Variants in AOX1 observed in about 807,000 individuals in gnomAD.
AOX1 encodes the protein aldehyde oxidase 1, also known as aldehyde oxidase.
Under a neutral mutation model 169.5 loss-of-function variants are expected in AOX1, and 153 were observed. The observed-to-expected ratio is 0.90, with a 90% confidence interval of 0.79 to 1.03. AOX1 has a LOEUF of 1.03. Ranked by LOEUF, AOX1 falls within the 50% of genes least tolerant of loss-of-function variation. The pLI is 0.00. For missense variants in AOX1, 1,656 were observed against 1,663.9 expected, an observed-to-expected ratio of 1.00 and a Z score of 0.08; for synonymous variants, 562 against 581.9, an observed-to-expected ratio of 0.97 and a Z score of 0.49.
At chr2:200,666,787 T>C in intron 32 of AOX1, 35 bp downstream of exon 32, 3 of 1,557,814 alleles carry the variant, frequency 1.9e-6, no homozygotes, top group Non-Finnish European at 2.6e-6. Flanking sequence ...TTTCTATTTG[T>C]AAAAGCCAAA....
Position 200,604,000 on chromosome 2 carries a change from A to T in AOX1, c.589-17A>T, listed in dbSNP as rs1230923564. The T allele has an allele frequency of 6.4e-7, 1 of 1,555,552 alleles. No individual in the cohort carries two copies. The highest frequency in any genetic ancestry group is 1.4e-5 in the African/African-American group (1 of 73,624). ...AGTTGCTCGATAACAGTAATTTCTG[A>T]TATGTTCTCTTTTTAGACAAGTCCA... On this transcript the variant is annotated splice_polypyrimidine_tract_variant and intron_variant, in intron 7 of 34. Transcript: ENST00000374700.
At position 200,611,469 on chromosome 2, in the gene AOX1, A is replaced by T. The variant is rs145418309; in HGVS notation, c.1239A>T (p.Ser413=). The T allele has an allele frequency of 2.2e-4, 354 of 1,612,826 alleles. 2 individuals carry two copies. Among genetic ancestry groups the T allele is most frequent in the Non-Finnish European group, 2.4e-4 (283 of 1,178,846 alleles). ...ADLKPQEILV[S]VNIPYSRKWE... ...TTAAGCCTCAAGAAATCTTGGTCTC[A>T]GTGAACATCCCCTACTCAAGGAAGG... The change falls in exon 13 of 35, where the codon TCA becomes TCT. Residue 413 remains serine, a synonymous_variant. Coordinates refer to ENST00000374700, the MANE Select transcript of AOX1 (RefSeq NM_001159.4).
chr2:200,628,629 A>G (rs1402612252), intron 20 of AOX1, among the ~76,000 whole-genome samples: 2 of 152,154 alleles, frequency 1.3e-5, no homozygotes, highest in African/African-American at 4.8e-5. Flanking sequence ...AGTGCATGTT[A>G]AAAACTCCCA....
chr2:200,620,013 A>G (rs1188059326), intron 16 of AOX1, among the ~76,000 whole-genome samples: 2 of 152,226 alleles, frequency 1.3e-5, no homozygotes, highest in African/African-American at 4.8e-5. Context: ...GCAAGAGGAC[A>G]TAATTTTGTA....
Position 200,651,095 on chromosome 2 carries a change from A to C in AOX1, c.2969A>C (p.Lys990Thr), listed in dbSNP as rs2035572168. Residue 990 changes from lysine to threonine, a missense_variant, in exon 26 of 35, where the codon AAA (lysine) becomes ACA (threonine). Transcript: ENST00000374700. The stretch of plus-strand genomic sequence containing the variant: ...GCCATGTCTTCCTACTCCTTGAGGA[A>C]AGTTGCTGTGGAAAAGTTCAATGCA... ...CMAMSSYSLR[K>T]VAVEKFNAEN... 6.2e-7 allele frequency: 1 copy of C among 1,614,162 alleles called. No individual in the cohort carries two copies. The highest frequency in any genetic ancestry group is 2.2e-5 in the East Asian group (1 of 44,886).
intron 25 of AOX1, among the ~76,000 whole-genome samples, chr2:200,649,748 C>G (rs2035542375): frequency 6.6e-6 from 1 of 152,102 alleles, no homozygotes; most frequent in Admixed American, 6.5e-5. Context: ...GGGGTGAGCT[C>G]TCTCTCAGCC....
intron 29 of AOX1, 35 bp downstream of exon 29, chr2:200,660,104 A>G: frequency 6.4e-7 from 1 of 1,562,782 alleles, no homozygotes; most frequent in Non-Finnish European, 8.8e-7. Flanking sequence ...TTTATTTTAG[A>G]AGAAAAAGGA....
intron 23 of AOX1, among the ~76,000 whole-genome samples, chr2:200,639,476 A>G (rs1416089011): frequency 2.0e-5 from 3 of 152,244 alleles, no homozygotes; most frequent in Non-Finnish European, 4.4e-5. Flanking sequence ...CACTGTCTCC[A>G]TCGCAAAACT....
At position 200,603,268 on chromosome 2, in the gene AOX1, C is replaced by T; in HGVS notation, c.500C>T (p.Thr167Ile). 1 of 1,613,552 alleles carries T rather than the reference C, an allele frequency of 6.2e-7. No individual in the cohort carries two copies. Among genetic ancestry groups the T allele is most frequent in the South Asian group, 1.1e-5 (1 of 91,056 alleles). Residue 167 changes from threonine (T) to isoleucine (I), a missense_variant and splice_region_variant, in exon 7 of 35, where the codon ACT becomes ATT. By Grantham distance (89) the Thr-to-Ile change is moderately conservative (BLOSUM62 -1). Transcript: ENST00000374700. ...IIDACKTFCKTSGCCQSKENG... is the reference protein window; with the variant it reads ...IIDACKTFCKISGCCQSKENG... ...AGTGATTTGTTTTTTGTCCACTAGA[C>T]TTCGGGCTGCTGTCAAAGTAAAGAA...
Position 200,642,671 on chromosome 2 carries a change from G to A in AOX1, c.2717G>A (p.Arg906Gln), listed in dbSNP as rs139407288. ...TACAAGTTTCCCAATCTCCGCTGCC[G>A]GGGTTGGGCATGCAGAACCAACCTT... Reference protein sequence around the residue: ...NAYKFPNLRCRGWACRTNLPS... With the variant: ...NAYKFPNLRCQGWACRTNLPS... Residue 906 changes from arginine to glutamine, a missense_variant, in exon 25 of 35, where the codon CGG becomes CAG. Arg to Gln is a conservative substitution (Grantham distance 43, BLOSUM62 1). Transcript: ENST00000374700. 1.4e-5 allele frequency: 22 copies of A among 1,613,982 alleles called. No homozygotes were observed. Among genetic ancestry groups the A allele is most frequent in the African/African-American group, 9.3e-5 (7 of 74,926 alleles).
intron 32 of AOX1, 149 bp from the exon 33 acceptor site, chr2:200,668,466 T>C: frequency 2.8e-6 from 2 of 709,034 alleles, no homozygotes; most frequent in South Asian, 4.3e-5. Flanking sequence ...GGCTTTTAGA[T>C]AAACTTTCAG....
At position 200,664,485 on chromosome 2, in the gene AOX1, T is replaced by C. The variant is rs149638576; in HGVS notation, c.3543+1516T>C. Among the ~76,000 whole-genome samples the C allele has an allele frequency of 3.2e-3, 485 of 152,344 alleles. 1 individual carries two copies. Among genetic ancestry groups the C allele is most frequent in the Middle Eastern group, 0.02 (6 of 294 alleles). On this transcript the variant is annotated intron_variant, in intron 31 of 34. Transcript: ENST00000374700. ...GCAAAAGTTGGTGAAAACTTAGTCA[T>C]GTGGATTTTCTTATATTCCTATATA... is the stretch of plus-strand genomic sequence containing the variant.
chr2:200,621,706 T>C (rs1159486988), intron 18 of AOX1, among the ~76,000 whole-genome samples: 1 of 144,046 alleles, frequency 6.9e-6, no homozygotes, highest in Non-Finnish European at 1.5e-5. Context: ...CAATTTATTC[T>C]GATTTATTTA....
At position 200,612,775 on chromosome 2, in the gene AOX1, G is replaced by T; in HGVS notation, c.1430G>T (p.Cys477Phe). 1 of 1,613,732 alleles carries T rather than the reference G, an allele frequency of 6.2e-7. No individual in the cohort carries two copies. The highest frequency in any genetic ancestry group is 8.5e-7 in the Non-Finnish European group (1 of 1,179,814). The change falls in exon 14 of 35, where the codon TGC (cysteine) becomes TTC (phenylalanine). Residue 477 changes from cysteine to phenylalanine, a missense_variant. Cys to Phe is a radical substitution (Grantham distance 205). Transcript: ENST00000374700. The part of the protein sequence containing the change: ...GPATICAKNS[C>F]QKLIGRHWNE... ...GCCACCATCTGTGCCAAGAATTCCTGCCAGAAACTCATTGGAAGGTAAGGC... is the reference window on the plus strand; with the variant it reads ...GCCACCATCTGTGCCAAGAATTCCTTCCAGAAACTCATTGGAAGGTAAGGC...
In AOX1 at chr2:200,643,359, G is replaced by A. The variant is rs554864872; in HGVS notation, c.2847+558G>A. Among the ~76,000 whole-genome samples the A allele has an allele frequency of 1.6e-4, 24 of 148,240 alleles. No homozygotes were observed. In the East Asian group the frequency reaches 4.0e-3, roughly 25 times the overall value. ...GGTGTATGTATATACATATACACAC[G>A]CACACATATATATGTGTATATATAT... On this transcript the variant is annotated intron_variant, in intron 25 of 34. Coordinates refer to ENST00000374700, the MANE Select transcript of AOX1 (RefSeq NM_001159.4).
chr2:200,615,217 A>G (rs946848116), intron 15 of AOX1, among the ~76,000 whole-genome samples: 1 of 152,076 alleles, frequency 6.6e-6, no homozygotes, highest in South Asian at 2.1e-4. Context: ...ATGTTGCTCA[A>G]GCTGGTCTTG....
At chr2:200,597,546 G>C (rs1190739183) in intron 4 of AOX1, 41 bp downstream of exon 4, 1 of 1,462,226 alleles carries the variant, frequency 6.8e-7, no homozygotes, top group Admixed American at 1.7e-5. Flanking sequence ...CTGTGCTTTA[G>C]AAACCTCATG....
chr2:200,627,502 T>C (rs1394575227), intron 20 of AOX1, 53 bp downstream of exon 20: 2 of 1,307,906 alleles, frequency 1.5e-6, no homozygotes, highest in East Asian at 4.6e-5. Flanking sequence ...AGCATGTCAG[T>C]TTAAGGCTTC....
chr2:200,603,356 G>A lies in AOX1; in HGVS notation c.588G>A (p.Lys196=), dbSNP rs765474588. The stretch of plus-strand genomic sequence containing the variant: ...TGCCAGAATTTGAGGAAGGAAGTAA[G>A]GTCAGTGAAATGTAAAGCTTTTATA... The part of the protein sequence containing the change: ...NGLPEFEEGS[K]TSPKLFAEEE... The change falls in exon 7 of 35, where the codon AAG becomes AAA. Residue 196 remains lysine, a splice_region_variant and synonymous_variant. Coordinates refer to ENST00000374700, the MANE Select transcript of AOX1 (RefSeq NM_001159.4). 2 of 1,611,726 alleles carry A rather than the reference G, an allele frequency of 1.2e-6. No individual in the cohort carries two copies. The highest frequency in any genetic ancestry group is 1.7e-6 in the Non-Finnish European group (2 of 1,178,034).
Sources: gnomAD v4.1 joint callset for allele counts (sites outside exome capture counted in the v4.1 genomes callset) on GRCh38, gnomAD v4.1.1 for gene constraint, MANE v1.5 for transcripts, NCBI Gene and HGNC (gene_info 2026-07-23, HGNC 2026-07-21) for gene names.